The following ADD3 variants were observed in gnomAD, a reference collection of about 807,000 sequenced individuals.
ADD3 encodes the protein gamma-adducin.
A neutral mutation model predicts 80.2 loss-of-function variants in ADD3; 25 were observed. The observed-to-expected ratio is 0.31, with a 90% CI of 0.23 to 0.44. The LOEUF (loss-of-function observed/expected upper bound fraction) is 0.44, where lower values mean the gene tolerates loss of function less well. Ranked by LOEUF, ADD3 falls within the 20% of genes least tolerant of loss-of-function variation. The pLI is 1.00. For synonymous variants in ADD3, 284 were observed against 289.6 expected (o/e 0.98, Z 0.20); for missense variants, 829 against 847.5 (o/e 0.98, Z 0.27).
chr10:110,060,230 C>T (rs998713467), intron 1 of ADD3, among the ~76,000 whole-genome samples: 1 of 152,150 alleles, frequency 6.6e-6, no homozygotes, highest in Non-Finnish European at 1.5e-5. Context: ...CCCTCCTGTT[C>T]ATTTCGTTTT....
Position 110,116,252 on chromosome 10 carries a change from C to G in ADD3, c.335-7C>G, listed in dbSNP as rs753241500. 2.5e-6 allele frequency: 4 copies of G among 1,611,620 alleles called. No individual in the cohort carries two copies. The South Asian group carries it at 4.4e-5, about 18-fold the overall frequency. ...CGTATCTCTCTCCACATTTTTTGCT[C>G]TTTTAGGTCTTGGCATGGTCACACC... On this transcript the variant is annotated splice_polypyrimidine_tract_variant and splice_region_variant and intron_variant, in intron 3 of 14. Transcript: ENST00000356080.
At chr10:110,068,687 T>G (rs1448911433) in intron 1 of ADD3, among the ~76,000 whole-genome samples, 2 of 152,190 alleles carry the variant, frequency 1.3e-5, no homozygotes, top group Non-Finnish European at 2.9e-5. Context: ...GCAAAAGGAT[T>G]TTTTCTTTTT....
At chr10:110,092,312 A>G (rs1847628899) in intron 1 of ADD3, among the ~76,000 whole-genome samples, 1 of 152,198 alleles carries the variant, frequency 6.6e-6, no homozygotes, top group South Asian at 2.1e-4. Context: ...ACATGGAATC[A>G]ATCACCTAGA....
At position 110,122,163 on chromosome 10, in the gene ADD3, T is replaced by A; in HGVS notation, c.1014T>A (p.Phe338Leu). ...TAGACAATCTCCATGTACTGGACTT[T>A]CAGAAGTATAAAGCTTTCACTTACA... ...GGVDNLHVLD[F>L]QKYKAFTYTV... is the part of the protein sequence containing the mutation. Residue 338 changes from phenylalanine (F) to leucine (L), a missense_variant, in exon 9 of 15, where the codon TTT becomes TTA. Transcript: ENST00000356080. The A allele has an allele frequency of 6.2e-7, 1 of 1,614,142 alleles. No individual in the cohort carries two copies. The highest frequency in any genetic ancestry group is 8.5e-7 in the Non-Finnish European group (1 of 1,179,982).
chr10:110,080,734 G>A (rs904285651), intron 1 of ADD3, among the ~76,000 whole-genome samples: 8 of 152,154 alleles, frequency 5.3e-5, no homozygotes, highest in African/African-American at 1.7e-4. Context: ...CAGGTTTCTT[G>A]TTTAAACTGT....
intron 1 of ADD3, among the ~76,000 whole-genome samples, chr10:110,020,221 G>A (rs1272197447): frequency 6.6e-6 from 1 of 152,070 alleles, no homozygotes; most frequent in East Asian, 1.9e-4. Context: ...TATGTGTCAG[G>A]TTCCATTCTA....
At chr10:110,098,819 C>T (rs1300420002) in intron 1 of ADD3, among the ~76,000 whole-genome samples, 15 of 151,906 alleles carry the variant, frequency 9.9e-5, no homozygotes, top group Admixed American at 5.9e-4. Flanking sequence ...TCAGTAAAGG[C>T]GGGGTTTCAC....
intron 1 of ADD3, among the ~76,000 whole-genome samples, chr10:110,072,851 T>C (rs1192305884): frequency 6.6e-6 from 1 of 152,234 alleles, no homozygotes; most frequent in Non-Finnish European, 1.5e-5. Flanking sequence ...GAATTAAAAC[T>C]ATAGGATGGC....
intron 1 of ADD3, among the ~76,000 whole-genome samples, chr10:110,059,066 A>G (rs1185660787): frequency 6.6e-6 from 1 of 152,220 alleles, no homozygotes. Flanking sequence ...GGCCTGGGTT[A>G]GGTGCCTTGT....
At chr10:110,043,003 T>C (rs1032572118) in intron 1 of ADD3, among the ~76,000 whole-genome samples, 1 of 152,230 alleles carries the variant, frequency 6.6e-6, no homozygotes, top group Non-Finnish European at 1.5e-5. Flanking sequence ...ATTTCAGCTT[T>C]TCAGCAAATG....
At chr10:110,064,863 G>C (rs983197539) in intron 1 of ADD3, among the ~76,000 whole-genome samples, 1 of 151,948 alleles carries the variant, frequency 6.6e-6, no homozygotes, top group Non-Finnish European at 1.5e-5. Context: ...ATGTTTCCCA[G>C]CCTGGGCAAC....
intron 1 of ADD3, among the ~76,000 whole-genome samples, chr10:110,011,641 A>T (rs1320605763): frequency 2.0e-5 from 3 of 152,238 alleles, no homozygotes; most frequent in Admixed American, 6.5e-5. Flanking sequence ...TTGAATTTTT[A>T]AAAAAACTTT....
At chr10:110,105,545 G>T (rs1452223474) in intron 2 of ADD3, among the ~76,000 whole-genome samples, 1 of 152,178 alleles carries the variant, frequency 6.6e-6, no homozygotes, top group Non-Finnish European at 1.5e-5. Context: ...TAACAAAACA[G>T]TTGCTGGGCT....
chr10:110,122,276 G>A lies in ADD3; in HGVS notation c.1127G>A (p.Arg376Lys), dbSNP rs771813720. The A allele has an allele frequency of 2.5e-6, 4 of 1,613,666 alleles. No homozygotes were observed. Among genetic ancestry groups the A allele is most frequent in the Non-Finnish European group, 8.5e-7 (1 of 1,179,826 alleles). ...VGEIEFEGLM[R>K]TLDNLGYRTG... ...GAAATTGAGTTTGAAGGGCTTATGA[G>A]GACTCTGGACAACTTGGTAGGTTGC... The change falls in exon 9 of 15, where the codon AGG becomes AAG. Residue 376 changes from arginine (R) to lysine (K), a missense_variant. Transcript: ENST00000356080.
rs140943221 is a variant in ADD3, at chr10:110,104,353, C to G, written c.195+3505C>G. Among the ~76,000 whole-genome samples, 7 of 152,320 alleles carry G rather than the reference C, an allele frequency of 4.6e-5. No individual in the cohort carries two copies. In the East Asian group the frequency reaches 1.3e-3, roughly 29 times the overall value. ...TGGTTCCACTGTCTAAGTCATCCTT[C>G]CTTTTTCTTGAAAGGTAGCCTGTGT... On this transcript the variant is annotated intron_variant, in intron 2 of 14. Coordinates refer to ENST00000356080, the MANE Select transcript of ADD3 (RefSeq NM_016824.5).
intron 1 of ADD3, among the ~76,000 whole-genome samples, chr10:110,022,777 G>A (rs974916654): frequency 2.6e-5 from 4 of 152,196 alleles, no homozygotes; most frequent in African/African-American, 9.7e-5. Context: ...TCATTGGGGA[G>A]AAACAATTCA....
chr10:110,115,926 CT>C (rs1372598618), intron 3 of ADD3, among the ~76,000 whole-genome samples: 15 of 152,300 alleles, frequency 9.8e-5, no homozygotes, highest in African/African-American at 3.6e-4. Context: ...CATCATAAAA[CT>C]AGCAGTAACC....
In ADD3 at chr10:110,118,575, G is replaced by C; in HGVS notation, c.568-12G>C. ...ATATACCAGTTAAATATGTCCTTCT[G>C]ATTTTTTCCAGGTGAAAGTCAATAT... On this transcript the variant is annotated splice_polypyrimidine_tract_variant and intron_variant, in intron 5 of 14. Transcript: ENST00000356080. 6.2e-7 allele frequency: 1 copy of C among 1,612,600 alleles called. No homozygotes were observed. The highest frequency in any genetic ancestry group is 8.5e-7 in the Non-Finnish European group (1 of 1,178,696).
At chr10:110,074,318 T>C (rs1845127723) in intron 1 of ADD3, among the ~76,000 whole-genome samples, 1 of 152,232 alleles carries the variant, frequency 6.6e-6, no homozygotes, top group Non-Finnish European at 1.5e-5. Context: ...TTCTGGCACT[T>C]GAAAACATCT....
Sources: allele counts gnomAD v4.1 joint callset (sites outside exome capture counted in the v4.1 genomes callset), GRCh38; gene constraint gnomAD v4.1.1; transcripts MANE v1.5; gene names NCBI Gene and HGNC (gene_info 2026-07-23, HGNC 2026-07-21).